The following WRN variants were observed in gnomAD, a reference collection of about 807,000 sequenced individuals.
The protein encoded by WRN is bifunctional 3'-5' exonuclease/ATP-dependent helicase WRN.
In WRN, 149 loss-of-function variants were observed where a neutral mutation model predicts 180.7. The observed-to-expected ratio is 0.82, with a 90% CI of 0.72 to 0.94. The LOEUF is 0.94. Ranked by LOEUF, WRN falls within the 40% of genes least tolerant of loss-of-function variation. WRN has a pLI of 0.00. For synonymous variants in WRN, 548 were observed against 568.9 expected (o/e 0.96, Z 0.52); for missense variants, 1,661 against 1,700.1 (o/e 0.98, Z 0.40).
rs780787702 is a variant in WRN at position 31,094,348 on chromosome 8, C to CT, written c.1899-2405dup. Among the ~76,000 whole-genome samples, 937 of 140,244 alleles carry CT rather than the reference C, an allele frequency of 6.7e-3. 8 individuals carry two copies. The highest frequency in any genetic ancestry group is 0.024 in the East Asian group (114 of 4,838). 92.0% of individuals were successfully genotyped at this position (140,244 alleles called of 152,430 possible). A position where few individuals can be genotyped will look rare whatever the true frequency, so the allele number is the denominator to read the frequency against. On this transcript the variant is annotated intron_variant, in intron 16 of 34. Transcript: ENST00000298139. Reference sequence around the variant, plus strand: ...CCCTATTTTCCCTTTTCTTTTCTTTCTTTTTTTTTTTTTTTGAGTCAGGGT... The same window carrying CT: ...CCCTATTTTCCCTTTTCTTTTCTTTCTTTTTTTTTTTTTTTTGAGTCAGGGT...
intron 23 of WRN, among the ~76,000 whole-genome samples, chr8:31,127,051 T>C (rs1207647961): frequency 6.6e-6 from 1 of 152,208 alleles, no homozygotes; most frequent in African/African-American, 2.4e-5. Flanking sequence ...TGCATAGTGT[T>C]ACAACCATTA....
intron 28 of WRN, 65 bp from the exon 29 acceptor site, chr8:31,146,988 T>A: frequency 7.4e-7 from 1 of 1,353,232 alleles, no homozygotes; most frequent in Non-Finnish European, 1.0e-6. Context: ...ATTTAGGGGA[T>A]GAAATAGAAA....
intron 3 of WRN, among the ~76,000 whole-genome samples, chr8:31,063,238 C>T (rs1200858166): frequency 1.3e-5 from 2 of 152,136 alleles, no homozygotes; most frequent in African/African-American, 4.8e-5. Flanking sequence ...AAACTGTGTA[C>T]TCTGTAACTT....
chr8:31,157,312 A>G lies in WRN; in HGVS notation c.3820-56A>G, dbSNP rs1038401402. On this transcript the variant is annotated intron_variant, in intron 32 of 34. Transcript: ENST00000298139. ...TGAATGTTTTGGACATTTTATTTCCATGACTGGAGTGGACACTTTTACAAC... is the reference window on the plus strand; with the variant it reads ...TGAATGTTTTGGACATTTTATTTCCGTGACTGGAGTGGACACTTTTACAAC... 24 of 1,607,916 alleles carry G rather than the reference A, an allele frequency of 1.5e-5. 1 individual carries two copies. The South Asian group carries it at 2.4e-4, about 16-fold the overall frequency.
chr8:31,175,060 T>G lies in WRN; in HGVS notation c.*1958T>G, dbSNP rs1441317869. Among the ~76,000 whole-genome samples the G allele has an allele frequency of 6.6e-6, 1 of 151,938 alleles. No homozygotes were observed. Among genetic ancestry groups the G allele is most frequent in the African/African-American group, 2.4e-5 (1 of 41,338 alleles). ...TAACAAATGTGAGTTTTTGATATTA[T>G]ATAAAGATTTTTTCTGTGTTTCGAA... On this transcript the variant is annotated 3_prime_UTR_variant, in exon 35 of 35. Transcript: ENST00000298139.
intron 7 of WRN, among the ~76,000 whole-genome samples, chr8:31,070,331 T>C (rs1350304166): frequency 2.6e-5 from 4 of 152,032 alleles, no homozygotes; most frequent in African/African-American, 7.2e-5. Context: ...TTTTCTCTTT[T>C]GCTTTTTATT....
intron 7 of WRN, among the ~76,000 whole-genome samples, chr8:31,069,576 T>C (rs1043049550): frequency 6.6e-6 from 1 of 152,248 alleles, no homozygotes; most frequent in African/African-American, 2.4e-5. Flanking sequence ...TAAGGTATTA[T>C]AAGAAATCCG....
intron 1 of WRN, among the ~76,000 whole-genome samples, chr8:31,036,914 C>CA (rs1811471347): frequency 6.6e-6 from 1 of 152,046 alleles, no homozygotes; most frequent in Non-Finnish European, 1.5e-5. Context: ...AAGTCATATC[C>CA]AAAAAATCAT....
intron 7 of WRN, among the ~76,000 whole-genome samples, chr8:31,072,906 G>T: frequency 6.6e-6 from 1 of 152,088 alleles, no homozygotes; most frequent in East Asian, 1.9e-4. Flanking sequence ...AAAGTGCAAA[G>T]CCTCCTAGGG....
intron 7 of WRN, among the ~76,000 whole-genome samples, chr8:31,069,063 G>A (rs1812814036): frequency 6.6e-6 from 1 of 152,210 alleles, no homozygotes; most frequent in Non-Finnish European, 1.5e-5. Flanking sequence ...TAATTGTGAA[G>A]ACTTAAAGGG....
rs576366030 is a variant in WRN at position 31,149,156 on chromosome 8, G to C, written c.3573-1185G>C. Among the ~76,000 whole-genome samples the C allele has an allele frequency of 2.6e-5, 4 of 152,176 alleles. No homozygotes were observed. The East Asian group carries it at 7.8e-4, about 30-fold the overall frequency. ...TCACGCTTGTAAATCCCAGGACTTTGGGAGGCCGAGGCGGGCGGATCACGA... is the reference window on the plus strand; with the variant it reads ...TCACGCTTGTAAATCCCAGGACTTTCGGAGGCCGAGGCGGGCGGATCACGA... On this transcript the variant is annotated intron_variant, in intron 30 of 34. Coordinates refer to ENST00000298139, the MANE Select transcript of WRN (RefSeq NM_000553.6).
chr8:31,053,037 C>T (rs1176302674), intron 1 of WRN, among the ~76,000 whole-genome samples: 1 of 152,030 alleles, frequency 6.6e-6, no homozygotes, highest in African/African-American at 2.4e-5. Context: ...AACACTAATC[C>T]AGAAGATTAT....
intron 23 of WRN, among the ~76,000 whole-genome samples, chr8:31,130,589 C>A (rs1802121087): frequency 6.8e-6 from 1 of 146,764 alleles, no homozygotes; most frequent in South Asian, 2.2e-4. Flanking sequence ...CAGTCGTTAG[C>A]GTTTAACAAT....
At chr8:31,049,324 G>A (rs888471524) in intron 1 of WRN, among the ~76,000 whole-genome samples, 1 of 151,012 alleles carries the variant, frequency 6.6e-6, no homozygotes, top group Admixed American at 6.6e-5. Flanking sequence ...TTGAGGCCAG[G>A]AGTTCAAGAC....
At chr8:31,116,910 G>GA (rs1188807048) in intron 20 of WRN, among the ~76,000 whole-genome samples, 2 of 152,176 alleles carry the variant, frequency 1.3e-5, no homozygotes, top group African/African-American at 4.8e-5. Context: ...TTTGATATGA[G>GA]AACACATACT....
chr8:31,108,517 C>T (rs1309851999), intron 18 of WRN, among the ~76,000 whole-genome samples: 1 of 151,650 alleles, frequency 6.6e-6, no homozygotes, highest in African/African-American at 2.4e-5. Flanking sequence ...AACCCAAGAA[C>T]CACTGATAAC....
intron 3 of WRN, among the ~76,000 whole-genome samples, chr8:31,064,034 T>G (rs1195148274): frequency 6.6e-6 from 1 of 152,170 alleles, no homozygotes; most frequent in African/African-American, 2.4e-5. Context: ...ATCTTTTGGA[T>G]TTATTGGTCA....
At chr8:31,036,369 T>A (rs1811453009) in intron 1 of WRN, among the ~76,000 whole-genome samples, 2 of 152,234 alleles carry the variant, frequency 1.3e-5, no homozygotes, top group Non-Finnish European at 2.9e-5. Context: ...TCATTTCCCT[T>A]GAATATATAC....
chr8:31,113,070 G>GTGGTGC (rs200632510), intron 19 of WRN, among the ~76,000 whole-genome samples: 2,485 of 151,874 alleles, frequency 0.016, 31 homozygotes, highest in Non-Finnish European at 0.026. Context: ...GCTGGGCATG[G>GTGGTGC]TGGTGCATGC....
Sources: allele counts gnomAD v4.1 joint callset (sites outside exome capture counted in the v4.1 genomes callset), GRCh38; gene constraint gnomAD v4.1.1; transcripts MANE v1.5; gene names NCBI Gene and HGNC (gene_info 2026-07-23, HGNC 2026-07-21).